Variants in ARID4B observed in about 807,000 individuals in gnomAD.
ARID4B encodes the protein AT-rich interactive domain-containing protein 4B.
In ARID4B, 26 loss-of-function variants were observed where a neutral mutation model predicts 147.5. That is an observed-to-expected ratio of 0.18 (90% CI 0.13 to 0.24). The LOEUF (loss-of-function observed/expected upper bound fraction) is 0.24, where lower values mean the gene tolerates loss of function less well. Ranked by LOEUF, ARID4B falls within the 10% of genes least tolerant of loss-of-function variation. The pLI is 1.00. For missense variants in ARID4B, 1,179 were observed against 1,511.5 expected (o/e 0.78, Z 3.65); for synonymous variants, 512 against 507.9 (o/e 1.01, Z -0.11).
chr1:235,189,399 C>CAAAAAAA (rs11299121), intron 19 of ARID4B, among the ~76,000 whole-genome samples: 19 of 58,892 alleles, frequency 3.2e-4, no homozygotes, highest in African/African-American at 5.7e-4. Flanking sequence ...GACTCAGTCT[C>CAAAAAAA]AAAAAAAAAA....
At chr1:235,312,692 G>A (rs577178016) in intron 2 of ARID4B, among the ~76,000 whole-genome samples, 181 of 151,624 alleles carry the variant, frequency 1.2e-3, no homozygotes, top group African/African-American at 4.2e-3. Context: ...ACAGAAATGG[G>A]GCTGGGCGTG....
intron 22 of ARID4B, among the ~76,000 whole-genome samples, chr1:235,173,773 T>A (rs9428569): frequency 0.032 from 534 of 16,516 alleles, 7 homozygotes; most frequent in Middle Eastern, 0.14. Context: ...AAAAAAAAAA[T>A]ATATATATAT....
intron 7 of ARID4B, 103 bp from the exon 8 acceptor site, chr1:235,240,554 A>T: frequency 9.2e-7 from 1 of 1,091,306 alleles, no homozygotes; most frequent in East Asian, 2.5e-5. Flanking sequence ...ATTTCCTAAG[A>T]CCTGTAAAAT....
At chr1:235,193,690 C>T (rs891253903) in intron 19 of ARID4B, among the ~76,000 whole-genome samples, 6 of 152,278 alleles carry the variant, frequency 3.9e-5, no homozygotes, top group African/African-American at 1.2e-4. Flanking sequence ...ATCCCAAATC[C>T]AAAATCTGAA....
intron 7 of ARID4B, among the ~76,000 whole-genome samples, chr1:235,240,688 A>C (rs188491081): frequency 2.6e-5 from 4 of 152,302 alleles, no homozygotes; most frequent in Admixed American, 2.0e-4. Context: ...ACTGTAAAAA[A>C]TTGAGGAGGA....
At chr1:235,260,778 G>T in intron 2 of ARID4B, 26 bp from the exon 3 acceptor site, 1 of 1,478,040 alleles carries the variant, frequency 6.8e-7, no homozygotes, top group Non-Finnish European at 9.4e-7. Flanking sequence ...AATATAATTA[G>T]ATTTAAACTC....
At chr1:235,258,193 T>C (rs879515067) in intron 3 of ARID4B, among the ~76,000 whole-genome samples, 8 of 152,038 alleles carry the variant, frequency 5.3e-5, no homozygotes, top group Non-Finnish European at 7.4e-5. Context: ...TACCCAGGCA[T>C]GGTGGCGCAT....
intron 2 of ARID4B, among the ~76,000 whole-genome samples, chr1:235,267,683 T>G (rs914582592): frequency 6.6e-6 from 1 of 151,762 alleles, no homozygotes; most frequent in Non-Finnish European, 1.5e-5. Flanking sequence ...ATATAAAAAA[T>G]TAGCCGGGTG....
intron 7 of ARID4B, among the ~76,000 whole-genome samples, chr1:235,241,973 C>T (rs942803521): frequency 1.3e-5 from 2 of 151,826 alleles, no homozygotes; most frequent in African/African-American, 4.8e-5. Flanking sequence ...AAGTACTGTA[C>T]TTTGGCTGGA....
At chr1:235,189,284 C>A (rs1191421167) in intron 19 of ARID4B, among the ~76,000 whole-genome samples, 1 of 150,920 alleles carries the variant, frequency 6.6e-6, no homozygotes, top group Non-Finnish European at 1.5e-5. Flanking sequence ...CCTGTAATAC[C>A]AGCTACTCGG....
chr1:235,269,332 T>C (rs894663079), intron 2 of ARID4B, among the ~76,000 whole-genome samples: 30 of 152,200 alleles, frequency 2.0e-4, no homozygotes, highest in African/African-American at 7.2e-4. Flanking sequence ...GACAGGTGGT[T>C]TGATGAACAG....
rs555589830 is a variant in ARID4B at position 235,234,631 on chromosome 1, C to T, written c.586-139G>A. The T allele has an allele frequency of 3.8e-4, 224 of 582,886 alleles. 1 individual carries two copies. In the African/African-American group the frequency reaches 4.0e-3, roughly 10 times the overall value. 36.1% of individuals were successfully genotyped at this position (582,886 alleles called of 1,614,324 possible). A position where few individuals can be genotyped will look rare whatever the true frequency, so the allele number is the denominator to read the frequency against. Reference sequence around the variant, plus strand: ...GTTTGAGGGTAAACAGGCACACACACACACGTGGGAGCACACACAAGCAAT... The same window carrying T: ...GTTTGAGGGTAAACAGGCACACACATACACGTGGGAGCACACACAAGCAAT... On this transcript the variant is annotated intron_variant, in intron 8 of 23. Coordinates refer to ENST00000264183, the MANE Select transcript of ARID4B (RefSeq NM_016374.6).
At chr1:235,321,037 G>A (rs13375286) in intron 2 of ARID4B, among the ~76,000 whole-genome samples, 1 of 152,136 alleles carries the variant, frequency 6.6e-6, no homozygotes, top group East Asian at 1.9e-4. Flanking sequence ...ACGAGGGTAA[G>A]AACTCTTGTT....
Position 235,229,276 on chromosome 1 carries a change from C to T in ARID4B, c.852G>A (p.Glu284=), listed in dbSNP as rs1668050989. ...SSSEAEEEEE[E]EDDEKEKEDN... Reference sequence around the variant, plus strand: ...CCTCCTTTTCTTTTTCATCATCTTCCTCCTCCTCTTCTTCCTCTGCTTCAC... The same window carrying T: ...CCTCCTTTTCTTTTTCATCATCTTCTTCCTCCTCTTCTTCCTCTGCTTCAC... The change falls in exon 11 of 24, where the codon GAG becomes GAA. Residue 284 remains glutamate (E), a synonymous_variant. Transcript: ENST00000264183. 2 of 1,612,420 alleles carry T rather than the reference C, an allele frequency of 1.2e-6. No individual in the cohort carries two copies. The highest frequency in any genetic ancestry group is 1.7e-6 in the Non-Finnish European group (2 of 1,178,884).
intron 19 of ARID4B, chr1:235,187,067 G>A (rs1409316656): frequency 5.4e-6 from 2 of 371,178 alleles, no homozygotes; most frequent in Non-Finnish European, 1.0e-5. Flanking sequence ...CTTTTTCACT[G>A]CATCTTATTC....
At position 235,276,960 on chromosome 1, in the gene ARID4B, C is replaced by T. The variant is rs1671355592; in HGVS notation, c.7-16208G>A. On this transcript the variant is annotated intron_variant, in intron 2 of 23. Transcript: ENST00000264183. ...GATTGCAGTGAGTCGAGATTGTGCA[C>T]TGCAATCAAGCCTAGGTGATGGAGC... 2.7e-5 allele frequency among the ~76,000 whole-genome samples: 4 copies of T among 146,182 alleles called. No individual in the cohort carries two copies. The South Asian group carries it at 8.6e-4, about 31-fold the overall frequency.
Position 235,324,347 on chromosome 1 carries a change from CAT to C in ARID4B, c.6+2565_6+2566del, listed in dbSNP as rs1483981894. ...CAAAAACATACTGTGAAAAAAGTAA[CAT>C]AGCATATATTAGACAGTAATGGGAA... On this transcript the variant is annotated intron_variant, in intron 2 of 23. Transcript: ENST00000264183. Among the ~76,000 whole-genome samples, 21 of 152,248 alleles carry C rather than the reference CAT, an allele frequency of 1.4e-4. No homozygotes were observed. The East Asian group carries it at 4.0e-3, about 29-fold the overall frequency.
intron 2 of ARID4B, among the ~76,000 whole-genome samples, chr1:235,265,654 G>A (rs1389353941): frequency 6.6e-6 from 1 of 151,600 alleles, no homozygotes; most frequent in Non-Finnish European, 1.5e-5. Flanking sequence ...AGCAGAGATC[G>A]CGCCACCGCA....
chr1:235,302,618 T>C (rs1673260704), intron 2 of ARID4B, among the ~76,000 whole-genome samples: 2 of 152,208 alleles, frequency 1.3e-5, no homozygotes, highest in South Asian at 4.1e-4. Context: ...TGGCTTGCAT[T>C]ATACTCCTAT....
Sources: gnomAD v4.1 joint callset for allele counts (sites outside exome capture counted in the v4.1 genomes callset) on GRCh38, gnomAD v4.1.1 for gene constraint, MANE v1.5 for transcripts, NCBI Gene and HGNC (gene_info 2026-07-23, HGNC 2026-07-21) for gene names.